ACACA: variants seen among roughly 807,000 people sequenced by gnomAD.
The protein encoded by ACACA is acetyl-CoA carboxylase 1.
A neutral mutation model predicts 296.1 loss-of-function variants in ACACA; 103 were observed. The ratio of observed to expected loss-of-function variants is 0.35; its 90% CI spans 0.30 to 0.41. The LOEUF (loss-of-function observed/expected upper bound fraction) is 0.41. Among genes scored for constraint, ACACA ranks in the 10% least tolerant of loss-of-function variants. The pLI is 1.00. For missense variants in ACACA, 1,554 were observed against 2,989.7 expected, an observed-to-expected ratio of 0.52 and a Z score of 11.20; for synonymous variants, 953 against 1,038.6, an observed-to-expected ratio of 0.92 and a Z score of 1.58.
intron 14 of ACACA, among the ~76,000 whole-genome samples, chr17:37,256,760 A>G (rs1050114505): frequency 2.0e-5 from 3 of 152,222 alleles, no homozygotes; most frequent in African/African-American, 7.2e-5. Context: ...GGAAATTGAT[A>G]AAAATATAAA....
Position 37,087,217 on chromosome 17 carries a change from T to G in ACACA, c.*99A>C. ...GTAAAATGCCATTTGACTCCAGTGC[T>G]GGGTCTCCTGTGCCTTCTCATTACA... On this transcript the variant is annotated 3_prime_UTR_variant, in exon 56 of 56. Transcript: ENST00000616317. 1 of 1,540,510 alleles carries G rather than the reference T, an allele frequency of 6.5e-7. No homozygotes were observed. The highest frequency in any genetic ancestry group is 9.0e-7 in the Non-Finnish European group (1 of 1,116,742).
intron 1 of ACACA, among the ~76,000 whole-genome samples, chr17:37,396,198 G>C (rs1473156663): frequency 6.6e-6 from 1 of 151,846 alleles, no homozygotes; most frequent in Non-Finnish European, 1.5e-5. Context: ...AAATTAGCTG[G>C]GTGTGGTGGC....
rs920500000 is a variant in ACACA, at chr17:37,270,632, A to G, written c.1119+119T>C. The G allele has an allele frequency of 1.2e-5, 9 of 773,010 alleles. No individual in the cohort carries two copies. In the African/African-American group the frequency reaches 1.2e-4, roughly 10 times the overall value. 47.9% of individuals were successfully genotyped at this position (773,010 alleles called of 1,614,324 possible). A position where few individuals can be genotyped will look rare whatever the true frequency, so the allele number is the denominator to read the frequency against. Reference sequence around the variant, plus strand: ...GTAGAAACTAGAGAGAAAGACAGTTAGCTATAGACAAAATTAAAAATTAAA... The same window carrying G: ...GTAGAAACTAGAGAGAAAGACAGTTGGCTATAGACAAAATTAAAAATTAAA... On this transcript the variant is annotated intron_variant, in intron 10 of 55. Transcript: ENST00000616317.
intron 1 of ACACA, among the ~76,000 whole-genome samples, chr17:37,390,330 A>ATC (rs1555672372): frequency 0.023 from 939 of 41,542 alleles, 244 homozygotes; most frequent in African/African-American, 0.11. Context: ...ATATATATAT[A>ATC]TATAAAAGGC....
At position 37,395,419 on chromosome 17, in the gene ACACA, G is replaced by A. The variant is rs568660315; in HGVS notation, c.38+10843C>T. On this transcript the variant is annotated intron_variant, in intron 1 of 55. Transcript: ENST00000616317. ...CACTCTAGCCTGGGTGACAAAGCAA[G>A]ACTCCATTTCAAAAAAAAAAAAAAA... 2.0e-3 allele frequency among the ~76,000 whole-genome samples: 259 copies of A among 128,096 alleles called. 1 individual carries two copies. Among genetic ancestry groups the A allele is most frequent in the East Asian group, 8.7e-3 (39 of 4,466 alleles). The allele number at this position is 128,096 out of a possible 152,430, so 84.0% of individuals were successfully genotyped here. A position where few individuals can be genotyped will look rare whatever the true frequency, so the allele number is the denominator to read the frequency against.
At chr17:37,221,069 C>T (rs996959283) in intron 29 of ACACA, among the ~76,000 whole-genome samples, 3 of 151,474 alleles carry the variant, frequency 2.0e-5, no homozygotes, top group Non-Finnish European at 2.9e-5. Context: ...AAAAGATAGT[C>T]TATAAGATAA....
intron 1 of ACACA, among the ~76,000 whole-genome samples, chr17:37,400,164 G>A (rs1196406215): frequency 6.6e-6 from 1 of 152,070 alleles, no homozygotes; most frequent in Non-Finnish European, 1.5e-5. Context: ...CTGTTGCCCA[G>A]GCTGGAGTGC....
intron 22 of ACACA, among the ~76,000 whole-genome samples, chr17:37,243,161 C>T (rs2080505779): frequency 6.6e-6 from 1 of 152,150 alleles, no homozygotes; most frequent in South Asian, 2.1e-4. Context: ...TCCAAGTGTG[C>T]TTTTCTCATA....
chr17:37,205,950 A>G (rs1478305090), intron 32 of ACACA, 78 bp from the exon 33 acceptor site: 97 of 1,235,854 alleles, frequency 7.8e-5, no homozygotes, highest in Non-Finnish European at 8.1e-5. Context: ...AATATTTGGT[A>G]GAATACCTGA....
At chr17:37,196,623 A>T (rs1056400532) in intron 35 of ACACA, among the ~76,000 whole-genome samples, 1 of 139,390 alleles carries the variant, frequency 7.2e-6, no homozygotes, top group Non-Finnish European at 1.5e-5. Flanking sequence ...TGGAAAGCTT[A>T]AAAAAAAAAA....
chr17:37,314,342 G>A (rs1200738779), intron 3 of ACACA, among the ~76,000 whole-genome samples: 7 of 151,928 alleles, frequency 4.6e-5, no homozygotes, highest in Admixed American at 2.0e-4. Flanking sequence ...CTCGTGATCC[G>A]CCCGCCTCAG....
At chr17:37,392,971 G>A (rs566382504) in intron 1 of ACACA, among the ~76,000 whole-genome samples, 16 of 151,802 alleles carry the variant, frequency 1.1e-4, no homozygotes, top group African/African-American at 3.4e-4. Flanking sequence ...GGTGAAACCC[G>A]TCTCTACTAA....
At chr17:37,221,463 A>AAAAG (rs10552606) in intron 29 of ACACA, 203,028 of 477,658 alleles carry the variant, frequency 0.43, 50,593 homozygotes, top group East Asian at 0.73. Flanking sequence ...AATTTTTTAA[A>AAAAG]AAAGAAACTA....
intron 45 of ACACA, among the ~76,000 whole-genome samples, chr17:37,140,197 C>T (rs2075507055): frequency 6.6e-6 from 1 of 152,068 alleles, no homozygotes; most frequent in African/African-American, 2.4e-5. Context: ...AGGATCCTCC[C>T]ACTCTCAAGA....
At chr17:37,287,765 A>AC (rs1405876480) in intron 3 of ACACA, among the ~76,000 whole-genome samples, 6 of 151,686 alleles carry the variant, frequency 4.0e-5, no homozygotes, top group Non-Finnish European at 7.4e-5. Context: ...ACAAAAAAAA[A>AC]AAAACAAGAA....
At position 37,181,297 on chromosome 17, in the gene ACACA, A is replaced by C. The variant is rs777937844; in HGVS notation, c.4836T>G (p.Thr1612=). The C allele has an allele frequency of 6.2e-7, 1 of 1,613,970 alleles. No individual in the cohort carries two copies. The highest frequency in any genetic ancestry group is 8.5e-7 in the Non-Finnish European group (1 of 1,179,942). Residue 1612 remains threonine, a synonymous_variant, in exon 40 of 56, where the codon ACT becomes ACG. Transcript: ENST00000616317. ...QGPLHGMLIN[T]PYVTKDLLQS... is the part of the protein sequence containing the mutation. Reference sequence around the variant, plus strand: ...GCAGCAGGTCTTTGGTCACATATGGAGTATTGATTAACATTCCATGCAGTG... The same window carrying C: ...GCAGCAGGTCTTTGGTCACATATGGCGTATTGATTAACATTCCATGCAGTG...
intron 1 of ACACA, among the ~76,000 whole-genome samples, chr17:37,394,221 T>C (rs1308442519): frequency 6.6e-6 from 1 of 152,028 alleles, no homozygotes; most frequent in African/African-American, 2.4e-5. Flanking sequence ...TTTTCTTTTT[T>C]TTTTTTTGAG....
intron 1 of ACACA, among the ~76,000 whole-genome samples, chr17:37,361,687 CCT>C (rs1197770665): frequency 6.6e-6 from 1 of 152,142 alleles, no homozygotes; most frequent in Non-Finnish European, 1.5e-5. Context: ...TTCAGCAACC[CCT>C]GAGTGTTACG....
At chr17:37,179,508 G>A (rs761661500) in intron 40 of ACACA, 102 bp from the exon 41 acceptor site, 4 of 1,289,562 alleles carry the variant, frequency 3.1e-6, no homozygotes, top group Non-Finnish European at 4.4e-6. Context: ...TCTTTTCCAA[G>A]TGTTCTGCAG....
Sources: allele counts gnomAD v4.1 joint callset (sites outside exome capture counted in the v4.1 genomes callset), GRCh38; gene constraint gnomAD v4.1.1; transcripts MANE v1.5; gene names NCBI Gene and HGNC (gene_info 2026-07-23, HGNC 2026-07-21).